The following KBTBD12 variants were observed in gnomAD, a reference collection of about 807,000 sequenced individuals.
KBTBD12 encodes kelch repeat and BTB domain-containing protein 12.
Under a neutral mutation model 58.7 loss-of-function variants are expected in KBTBD12, and 53 were observed. The ratio of observed to expected loss-of-function variants is 0.90; its 90% CI spans 0.72 to 1.14. The LOEUF (loss-of-function observed/expected upper bound fraction) is 1.14, where lower values mean the gene tolerates loss of function less well. KBTBD12 is among the 50% of genes most tolerant of loss of function. The pLI is 0.00. For synonymous variants in KBTBD12, 236 were observed against 259.8 expected (o/e 0.91, Z 0.88); for missense variants, 704 against 751.3 (o/e 0.94, Z 0.74).
At chr3:127,922,572 T>C (rs1316011274) in intron 1 of KBTBD12, among the ~76,000 whole-genome samples, 1 of 152,146 alleles carries the variant, frequency 6.6e-6, no homozygotes, top group Non-Finnish European at 1.5e-5. Context: ...TTTGGGGTGA[T>C]TTTGCATCTC....
At chr3:127,966,721 TC>T (rs200692283) in intron 5 of KBTBD12, among the ~76,000 whole-genome samples, 1 of 148,176 alleles carries the variant, frequency 6.7e-6, no homozygotes, top group Non-Finnish European at 1.5e-5. Flanking sequence ...TTAAAAATTT[TC>T]CCCCAAACTG....
At chr3:127,951,053 G>A (rs951216322) in intron 4 of KBTBD12, among the ~76,000 whole-genome samples, 1 of 152,106 alleles carries the variant, frequency 6.6e-6, no homozygotes, top group African/African-American at 2.4e-5. Context: ...TGAGAAAGTT[G>A]TTTGTACTTT....
Position 127,986,889 on chromosome 3 carries a change from A to G in KBTBD12, c.*2611A>G, listed in dbSNP as rs544605610. ...GGATCTGAGGCCCCCGATGCCCTCA[A>G]TGGACACATTCAGGACCCTGTGGCA... On this transcript the variant is annotated 3_prime_UTR_variant, in exon 6 of 6. Coordinates refer to ENST00000405109, the MANE Select transcript of KBTBD12 (RefSeq NM_207335.4). 7.9e-5 allele frequency: 12 copies of G among 152,428 alleles called. No individual in the cohort carries two copies. Among genetic ancestry groups the G allele is most frequent in the African/African-American group, 2.6e-4 (11 of 41,586 alleles). The allele number at this position is 152,428 out of a possible 1,614,324, so 9.4% of individuals were successfully genotyped here. A position where few individuals can be genotyped will look rare whatever the true frequency, so the allele number is the denominator to read the frequency against.
intron 4 of KBTBD12, among the ~76,000 whole-genome samples, chr3:127,949,482 A>G (rs2107603272): frequency 6.6e-6 from 1 of 152,322 alleles, no homozygotes; most frequent in South Asian, 2.1e-4. Flanking sequence ...GCTTATTGAA[A>G]GGACCAGACA....
At chr3:127,949,132 A>G (rs1940150043) in intron 4 of KBTBD12, among the ~76,000 whole-genome samples, 1 of 152,232 alleles carries the variant, frequency 6.6e-6, no homozygotes, top group Non-Finnish European at 1.5e-5. Flanking sequence ...GATGATTGCT[A>G]CTTACAGAGG....
intron 5 of KBTBD12, among the ~76,000 whole-genome samples, chr3:127,982,570 G>A (rs6798286): frequency 0.29 from 44,848 of 152,078 alleles, 6,754 homozygotes; most frequent in South Asian, 0.36. Context: ...CTTCTGCCTC[G>A]TGCCTCTGGG....
At chr3:127,952,669 G>A (rs1161971699) in intron 4 of KBTBD12, among the ~76,000 whole-genome samples, 1 of 152,176 alleles carries the variant, frequency 6.6e-6, no homozygotes, top group Non-Finnish European at 1.5e-5. Flanking sequence ...TTTTATCACA[G>A]CACCAATACT....
rs1006372286 is a variant in KBTBD12, at chr3:127,948,328, C to T, written c.1493-14861C>T. Among the ~76,000 whole-genome samples the T allele has an allele frequency of 4.3e-5, 5 of 117,106 alleles. No individual in the cohort carries two copies. The South Asian group carries it at 1.7e-3, about 39-fold the overall frequency. 76.8% of individuals were successfully genotyped at this position (117,106 alleles called of 152,430 possible). ...TGGGGAGTCCCTAGTTCTGTCTTTA[C>T]CTTGAGGAAGCTGAGGGCCAGTAGC... On this transcript the variant is annotated intron_variant, in intron 4 of 5. Transcript: ENST00000405109.
rs1364425906 is a variant in KBTBD12, at chr3:127,915,513, C to T, written c.-186C>T. 2 of 152,490 alleles carry T rather than the reference C, an allele frequency of 1.3e-5. No individual in the cohort carries two copies. Among genetic ancestry groups the T allele is most frequent in the Admixed American group, 6.5e-5 (1 of 15,292 alleles). The allele number at this position is 152,490 out of a possible 1,614,324, so 9.4% of individuals were successfully genotyped here. On this transcript the variant is annotated 5_prime_UTR_variant, in exon 1 of 6. Transcript: ENST00000405109. ...GCCTCAGTCAGGCCCGCTGGCCGCC[C>T]TGCCACACGGTAGCGTCCAAGCCAG...
intron 3 of KBTBD12, among the ~76,000 whole-genome samples, chr3:127,928,427 T>C (rs1057493334): frequency 6.6e-6 from 1 of 152,252 alleles, no homozygotes; most frequent in Admixed American, 6.5e-5. Flanking sequence ...GCCTTTTCCA[T>C]ATTTAAAATT....
chr3:127,974,751 G>A (rs1278623638), intron 5 of KBTBD12, among the ~76,000 whole-genome samples: 2 of 152,186 alleles, frequency 1.3e-5, no homozygotes, highest in African/African-American at 4.8e-5. Flanking sequence ...ACTTTGGGAG[G>A]CCGAGGCTGG....
chr3:127,960,496 G>A (rs1940416613), intron 4 of KBTBD12, among the ~76,000 whole-genome samples: 2 of 152,158 alleles, frequency 1.3e-5, no homozygotes, highest in Admixed American at 1.3e-4. Flanking sequence ...TTAAAGATAT[G>A]GAGGTATCTC....
At position 127,915,490 on chromosome 3, in the gene KBTBD12, CTCAG is replaced by C. The variant is rs1471300457; in HGVS notation, c.-204_-201del. ...GCACAGGCCCATATTGGGCAGTGGC[CTCAG>C]TCAGGCCCGCTGGCCGCCCTGCCAC... On this transcript the variant is annotated 5_prime_UTR_variant, in exon 1 of 6. Transcript: ENST00000405109. 2.0e-5 allele frequency: 3 copies of C among 152,410 alleles called. No individual in the cohort carries two copies. The highest frequency in any genetic ancestry group is 4.4e-5 in the Non-Finnish European group (3 of 68,190). 9.4% of individuals were successfully genotyped at this position (152,410 alleles called of 1,614,324 possible). A position where few individuals can be genotyped will look rare whatever the true frequency, so the allele number is the denominator to read the frequency against.
At chr3:127,928,970 T>C (rs970164364) in intron 3 of KBTBD12, among the ~76,000 whole-genome samples, 1 of 152,238 alleles carries the variant, frequency 6.6e-6, no homozygotes, top group Non-Finnish European at 1.5e-5. Context: ...AGTACAGATT[T>C]CATCACAGCT....
At chr3:127,915,737 C>T (rs56947063) in intron 1 of KBTBD12, among the ~76,000 whole-genome samples, 151 bp downstream of exon 1, 7,426 of 152,326 alleles carry the variant, frequency 0.049, 255 homozygotes, top group East Asian at 0.15. Context: ...AGTGGGCCGG[C>T]GCCTGGCGTC....
chr3:127,943,276 A>G (rs1167658515), intron 4 of KBTBD12, among the ~76,000 whole-genome samples: 1 of 152,156 alleles, frequency 6.6e-6, no homozygotes, highest in African/African-American at 2.4e-5. Flanking sequence ...ACTTTTTTCC[A>G]TAATGGCCAT....
chr3:127,984,595 C>A lies in KBTBD12; in HGVS notation c.*317C>A. ...ATGAACAGCACTGCCAAGGAGCAGA[C>A]CTTTTATTGGGTCCCCAAAAGGATG... On this transcript the variant is annotated 3_prime_UTR_variant, in exon 6 of 6. Coordinates refer to ENST00000405109, the MANE Select transcript of KBTBD12 (RefSeq NM_207335.4). The A allele has an allele frequency of 4.8e-6, 1 of 207,190 alleles. No homozygotes were observed. Among genetic ancestry groups the A allele is most frequent in the Non-Finnish European group, 9.7e-6 (1 of 103,338 alleles). 12.8% of individuals were successfully genotyped at this position (207,190 alleles called of 1,614,324 possible).
At chr3:127,973,398 A>G (rs144360933) in intron 5 of KBTBD12, among the ~76,000 whole-genome samples, 1 of 152,200 alleles carries the variant, frequency 6.6e-6, no homozygotes, top group Non-Finnish European at 1.5e-5. Context: ...ACAAAGTATA[A>G]TGTGTGAAGG....
At chr3:127,968,167 A>T (rs796467721) in intron 5 of KBTBD12, among the ~76,000 whole-genome samples, 4 of 152,326 alleles carry the variant, frequency 2.6e-5, no homozygotes, top group African/African-American at 7.2e-5. Context: ...ACTGTCTTTC[A>T]TCTCTGACCC....
Sources: gnomAD v4.1 joint callset for allele counts (sites outside exome capture counted in the v4.1 genomes callset) on GRCh38, gnomAD v4.1.1 for gene constraint, MANE v1.5 for transcripts, NCBI Gene and HGNC (gene_info 2026-07-23, HGNC 2026-07-21) for gene names.